The following HMGCLL1 variants were observed in gnomAD, a reference collection of about 807,000 sequenced individuals.
HMGCLL1 encodes 3-hydroxymethyl-3-methylglutaryl-CoA lyase, cytoplasmic.
Under a neutral mutation model 39.1 loss-of-function variants are expected in HMGCLL1, and 36 were observed. The observed-to-expected ratio is 0.92, with a 90% CI of 0.71 to 1.22. The LOEUF is 1.22. Ranked by LOEUF, HMGCLL1 falls within the 50% of genes most tolerant of loss-of-function variation. HMGCLL1 has a pLI of 0.00. For missense variants in HMGCLL1, 451 were observed against 416.5 expected, an observed-to-expected ratio of 1.08 and a Z score of -0.72; for synonymous variants, 149 against 144.0, an observed-to-expected ratio of 1.03 and a Z score of -0.25.
At chr6:55,581,706 A>C (rs560205963), upstream of HMGCLL1, among the ~76,000 whole-genome samples, 1 of 152,166 alleles carries the variant, frequency 6.6e-6, no homozygotes, top group Non-Finnish European at 1.5e-5. Flanking sequence ...GGGCTCCATT[A>C]GAAAAATAAA....
At chr6:55,510,402 CAAT>C (rs1672923356) in intron 5 of HMGCLL1, among the ~76,000 whole-genome samples, 1 of 147,972 alleles carries the variant, frequency 6.8e-6, no homozygotes, top group African/African-American at 2.4e-5. Flanking sequence ...AAATGACCAA[CAAT>C]GATAGACTGA....
chr6:55,594,260 T>G, the HMGCLL1 span, among the ~76,000 whole-genome samples: 1 of 152,230 alleles, frequency 6.6e-6, no homozygotes, highest in South Asian at 2.1e-4. Flanking sequence ...AGTTCAAATG[T>G]CTGGGTTTCC....
intron 6 of HMGCLL1, among the ~76,000 whole-genome samples, chr6:55,497,428 T>A (rs1581858607): frequency 6.6e-6 from 1 of 152,126 alleles, no homozygotes; most frequent in East Asian, 1.9e-4. Context: ...ATGATACTGA[T>A]TCGCTCATTC....
chr6:55,557,205 G>A (rs1581946367), intron 1 of HMGCLL1, among the ~76,000 whole-genome samples: 1 of 152,090 alleles, frequency 6.6e-6, no homozygotes, highest in Non-Finnish European at 1.5e-5. Context: ...AGATTTATTC[G>A]TATATTTTTC....
chr6:55,657,703 T>C, the HMGCLL1 span, among the ~76,000 whole-genome samples: 1 of 151,994 alleles, frequency 6.6e-6, no homozygotes, highest in Non-Finnish European at 1.5e-5. Flanking sequence ...TTGGTACATA[T>C]ACACCATGGA....
intron 7 of HMGCLL1, among the ~76,000 whole-genome samples, chr6:55,468,039 C>T (rs886368933): frequency 6.6e-6 from 1 of 151,888 alleles, no homozygotes; most frequent in Non-Finnish European, 1.5e-5. Flanking sequence ...TGAAGGCCCC[C>T]AGTCCAGGGG....
upstream of HMGCLL1, among the ~76,000 whole-genome samples, chr6:55,579,982 G>T (rs1219048487): frequency 6.6e-6 from 1 of 152,136 alleles, no homozygotes; most frequent in Admixed American, 6.5e-5. Context: ...AGTGGGTTCA[G>T]TGGTTTGCAG....
chr6:55,435,790 G>C (rs771851916), intron 8 of HMGCLL1, 27 bp from the exon 9 acceptor site: 1 of 1,211,572 alleles, frequency 8.3e-7, no homozygotes, highest in South Asian at 1.4e-5. Flanking sequence ...GGAATATCAG[G>C]AAGGCAGAGG....
At chr6:55,617,990 A>G in the HMGCLL1 span, among the ~76,000 whole-genome samples, 1 of 152,148 alleles carries the variant, frequency 6.6e-6, no homozygotes, top group Non-Finnish European at 1.5e-5. Context: ...TTATAACTAT[A>G]ATATACACAT....
chr6:55,626,489 T>G, the HMGCLL1 span, among the ~76,000 whole-genome samples: 3 of 152,052 alleles, frequency 2.0e-5, no homozygotes, highest in Admixed American at 6.6e-5. Flanking sequence ...GTGACAATAC[T>G]TTACAGGGCT....
chr6:55,529,728 T>C (rs1380100334), intron 3 of HMGCLL1, among the ~76,000 whole-genome samples: 2 of 152,104 alleles, frequency 1.3e-5, no homozygotes, highest in African/African-American at 2.4e-5. Flanking sequence ...ATGAGTTTGA[T>C]TTTTTTATTA....
chr6:55,633,758 G>A, the HMGCLL1 span, among the ~76,000 whole-genome samples: 1 of 152,042 alleles, frequency 6.6e-6, no homozygotes, highest in Non-Finnish European at 1.5e-5. Context: ...AAGCTCTGTA[G>A]TGACGTTAAA....
At chr6:55,521,164 T>C (rs1023629475) in intron 3 of HMGCLL1, among the ~76,000 whole-genome samples, 1 of 152,146 alleles carries the variant, frequency 6.6e-6, no homozygotes, top group African/African-American at 2.4e-5. Flanking sequence ...GCTTTCAATA[T>C]GTTCCCCAGA....
rs1450334380 is a variant in HMGCLL1, at chr6:55,541,332, C to T, written c.297+397G>A. The stretch of plus-strand genomic sequence containing the variant: ...AAGGAGTATGTGTCTCCATTTCTCA[C>T]TCTTCAATATGGGATTCTAGAAGGA... On this transcript the variant is annotated intron_variant, in intron 3 of 8. Coordinates refer to ENST00000274901, the MANE Select transcript of HMGCLL1 (RefSeq NM_001042406.2). 2.0e-5 allele frequency among the ~76,000 whole-genome samples: 3 copies of T among 152,150 alleles called. 1 individual carries two copies. In the South Asian group the frequency reaches 6.2e-4, roughly 31 times the overall value.
intron 7 of HMGCLL1, among the ~76,000 whole-genome samples, chr6:55,457,154 T>A (rs532642114): frequency 1.3e-5 from 2 of 152,276 alleles, no homozygotes; most frequent in East Asian, 3.9e-4. Flanking sequence ...TTCCAAGGAG[T>A]TGAAACTTGA....
At chr6:55,457,435 A>T (rs1459161535) in intron 7 of HMGCLL1, among the ~76,000 whole-genome samples, 3 of 152,102 alleles carry the variant, frequency 2.0e-5, no homozygotes, top group Non-Finnish European at 4.4e-5. Context: ...CCCTCCCCCC[A>T]CATTTATTCT....
At chr6:55,544,091 C>T (rs1343863509) in intron 1 of HMGCLL1, among the ~76,000 whole-genome samples, 1 of 151,996 alleles carries the variant, frequency 6.6e-6, no homozygotes, top group Non-Finnish European at 1.5e-5. Flanking sequence ...CAGACCTATT[C>T]CTAGTGGAAC....
chr6:55,627,172 T>C, the HMGCLL1 span, among the ~76,000 whole-genome samples: 1 of 151,968 alleles, frequency 6.6e-6, no homozygotes, highest in Non-Finnish European at 1.5e-5. Context: ...TGACCAGCTG[T>C]AGAAATGAAG....
At chr6:55,604,807 CA>C in the HMGCLL1 span, among the ~76,000 whole-genome samples, 1 of 152,266 alleles carries the variant, frequency 6.6e-6, no homozygotes, top group East Asian at 1.9e-4. Context: ...GTTAGTACTT[CA>C]TAATCCCCAA....
Sources: gnomAD v4.1 joint callset for allele counts (sites outside exome capture counted in the v4.1 genomes callset) on GRCh38, gnomAD v4.1.1 for gene constraint, MANE v1.5 for transcripts, NCBI Gene and HGNC (gene_info 2026-07-23, HGNC 2026-07-21) for gene names.